Variants in PRMT1 observed in about 807,000 individuals in gnomAD.
PRMT1 encodes the protein protein arginine N-methyltransferase 1.
In PRMT1, 5 loss-of-function variants were observed where a neutral mutation model predicts 47.4. That is an observed-to-expected ratio of 0.11 (90% confidence interval 0.06 to 0.22). The LOEUF is 0.22. Among genes scored for constraint, PRMT1 ranks in the 10% least tolerant of loss-of-function variants. The pLI is 1.00. For missense variants in PRMT1, 249 were observed against 518.4 expected (o/e 0.48, Z 5.05); for synonymous variants, 227 against 204.6 (o/e 1.11, Z -0.94).
In PRMT1 at chr19:49,684,901, C is replaced by T; in HGVS notation, c.644-21C>T. 1 of 1,604,636 alleles carries T rather than the reference C, an allele frequency of 6.2e-7. No individual in the cohort carries two copies. The highest frequency in any genetic ancestry group is 8.5e-7 in the Non-Finnish European group (1 of 1,173,730). On this transcript the variant is annotated intron_variant, in intron 7 of 10. Coordinates refer to ENST00000454376, the MANE Select transcript of PRMT1 (RefSeq NM_001536.6). This position sits in a 1 kb window ranked among gnomAD's most constrained non-coding sequence, Gnocchi z 6.2. ...CGGGTGGGCTGCTGCGGGCTCACCC[C>T]CTCCCTGCCTGCCTCCCCAGGGTGG... is the stretch of plus-strand genomic sequence containing the variant.
In PRMT1 at chr19:49,680,460, C is replaced by G. The variant is rs2082100590; in HGVS notation, c.91-27C>G. The G allele has an allele frequency of 6.4e-7, 1 of 1,573,658 alleles. No homozygotes were observed. The highest frequency in any genetic ancestry group is 1.4e-5 in the African/African-American group (1 of 73,994). ...GGCTGTGGGGAGCCCCCAGATCTGA[C>G]CCATGATCCCATCGGCCCCCTCCCA... On this transcript the variant is annotated intron_variant, in intron 2 of 10. Transcript: ENST00000454376. This position sits in a 1 kb window ranked among gnomAD's most constrained non-coding sequence, Gnocchi z 4.2.
intron 1 of PRMT1, chr19:49,677,522 G>A (rs1555767718): frequency 2.4e-6 from 1 of 421,606 alleles, no homozygotes; most frequent in East Asian, 3.6e-5. Context: ...CGGCCTAGCG[G>A]AGGGTCTTAT....
Position 49,680,250 on chromosome 19 carries a change from T to G in PRMT1, c.91-237T>G, listed in dbSNP as rs1435567354. The G allele has an allele frequency of 1.3e-6, 2 of 1,576,254 alleles. No homozygotes were observed. The highest frequency in any genetic ancestry group is 1.7e-6 in the Non-Finnish European group (2 of 1,150,330). ...AGACTGGAGAGATGGTAGGCGTGGC[T>G]GAGGTATCGGGGTGCTCCCCTGGAT... On this transcript the variant is annotated intron_variant, in intron 2 of 10. Transcript: ENST00000454376. This position sits in a 1 kb window ranked among gnomAD's most constrained non-coding sequence, Gnocchi z 4.2.
rs767848100 is a variant in PRMT1 at position 49,683,989 on chromosome 19, A to G, written c.475A>G (p.Ile159Val). ...GCTCCCAGTGGAGAAGGTGGACATC[A>G]TCATCAGCGAGTGGATGGGCTACTG... is the stretch of plus-strand genomic sequence containing the variant. ...VELPVEKVDIIISEWMGYCLF... is the reference protein window; with the variant it reads ...VELPVEKVDIVISEWMGYCLF... Residue 159 changes from isoleucine to valine, a missense_variant, in exon 6 of 11, where the codon ATC (isoleucine) becomes GTC (valine). This residue lies in a region of PRMT1 where 190 missense variants were observed against 456.7 expected (regional missense o/e 0.42). Coordinates refer to ENST00000454376, the MANE Select transcript of PRMT1 (RefSeq NM_001536.6). 4 of 1,614,008 alleles carry G rather than the reference A, an allele frequency of 2.5e-6. No homozygotes were observed. The African/African-American group carries it at 4.0e-5, about 16-fold the overall frequency.
upstream of PRMT1, chr19:49,677,144 C>A: frequency 1.3e-6 from 1 of 754,216 alleles, no homozygotes; most frequent in Non-Finnish European, 1.9e-6. Flanking sequence ...CTCAGACGGG[C>A]CGCCTCCATT....
rs949622848 is a variant in PRMT1 at position 49,688,302 on chromosome 19, G to A, written c.*57G>A. Reference sequence around the variant, plus strand: ...GGGCTGAGCGTTCCTAGGCGGTTTCGGGGCTCCCCCTTCCTCTCCCTCCCT... The same window carrying A: ...GGGCTGAGCGTTCCTAGGCGGTTTCAGGGCTCCCCCTTCCTCTCCCTCCCT... On this transcript the variant is annotated 3_prime_UTR_variant, in exon 11 of 11. Coordinates refer to ENST00000454376, the MANE Select transcript of PRMT1 (RefSeq NM_001536.6). The surrounding 1 kb of genome is among the most constrained non-coding windows in gnomAD (Gnocchi z 5.3). 3.8e-6 allele frequency: 6 copies of A among 1,560,444 alleles called. No homozygotes were observed. The highest frequency in any genetic ancestry group is 2.2e-5 in the East Asian group (1 of 44,580).
At position 49,685,354 on chromosome 19, in the gene PRMT1, C is replaced by T; in HGVS notation, c.759+317C>T. 1 of 1,288,546 alleles carries T rather than the reference C, an allele frequency of 7.8e-7. No individual in the cohort carries two copies. Among genetic ancestry groups the T allele is most frequent in the Non-Finnish European group, 9.9e-7 (1 of 1,006,228 alleles). The allele number at this position is 1,288,546 out of a possible 1,614,324, so 79.8% of individuals were successfully genotyped here. A position where few individuals can be genotyped will look rare whatever the true frequency, so the allele number is the denominator to read the frequency against. ...ATGAGCGGATGCACATGCACGCGGG[C>T]CACTGCAGAAGAGCACGGGGCCAGG... On this transcript the variant is annotated intron_variant, in intron 8 of 10. Coordinates refer to ENST00000454376, the MANE Select transcript of PRMT1 (RefSeq NM_001536.6). This position sits in a 1 kb window ranked among gnomAD's most constrained non-coding sequence, Gnocchi z 4.7.
Position 49,684,114 on chromosome 19 carries a change from CA to C in PRMT1, c.555+46del. ...GGTGCAGCTCGCGTGGGCTGGGGTC[CA>C]GGTAGAAGACGAAAACCACGCTCAA... On this transcript the variant is annotated intron_variant, in intron 6 of 10. Transcript: ENST00000454376. The surrounding 1 kb of genome is among the most constrained non-coding windows in gnomAD (Gnocchi z 6.2). The C allele has an allele frequency of 1.9e-6, 3 of 1,608,406 alleles. No homozygotes were observed. The highest frequency in any genetic ancestry group is 2.6e-6 in the Non-Finnish European group (3 of 1,176,142).
In PRMT1 at chr19:49,680,063, G is replaced by A. The variant is rs2082092944; in HGVS notation, c.90+138G>A. On this transcript the variant is annotated intron_variant, in intron 2 of 10. Coordinates refer to ENST00000454376, the MANE Select transcript of PRMT1 (RefSeq NM_001536.6). The surrounding 1 kb of genome is among the most constrained non-coding windows in gnomAD (Gnocchi z 4.2). Reference sequence around the variant, plus strand: ...TTTACCCCAGGCCCCCAGACACTTAGTAGCAACCCCTCCAGGTTCACAGCC... The same window carrying A: ...TTTACCCCAGGCCCCCAGACACTTAATAGCAACCCCTCCAGGTTCACAGCC... The A allele has an allele frequency of 8.9e-7, 1 of 1,124,840 alleles. No individual in the cohort carries two copies. 69.7% of individuals were successfully genotyped at this position (1,124,840 alleles called of 1,614,324 possible). A position where few individuals can be genotyped will look rare whatever the true frequency, so the allele number is the denominator to read the frequency against.
Position 49,680,332 on chromosome 19 carries a change from T to TG in PRMT1, c.91-148dup, listed in dbSNP as rs530502506. 3.7e-4 allele frequency: 364 copies of TG among 993,900 alleles called. 2 individuals carry two copies. Among genetic ancestry groups the TG allele is most frequent in the African/African-American group, 2.3e-3 (137 of 59,824 alleles). The allele number at this position is 993,900 out of a possible 1,614,324, so 61.6% of individuals were successfully genotyped here. A position where few individuals can be genotyped will look rare whatever the true frequency, so the allele number is the denominator to read the frequency against. On this transcript the variant is annotated intron_variant, in intron 2 of 10. Coordinates refer to ENST00000454376, the MANE Select transcript of PRMT1 (RefSeq NM_001536.6). This position sits in a 1 kb window ranked among gnomAD's most constrained non-coding sequence, Gnocchi z 4.2. ...TGGGGTTGTTAGGTTTTGGGGTTCCTGGGGGGGCAAGATGGCAGGCGGGGG... is the reference window on the plus strand; with the variant it reads ...TGGGGTTGTTAGGTTTTGGGGTTCCTGGGGGGGGCAAGATGGCAGGCGGGGG...
intron 10 of PRMT1, among the ~76,000 whole-genome samples, chr19:49,687,569 G>A (rs1255688019): frequency 3.4e-5 from 5 of 145,064 alleles, no homozygotes; most frequent in South Asian, 2.2e-4. Flanking sequence ...TTGTCACTCC[G>A]GAGAAGGGGT....
At chr19:49,682,439 G>A (rs975411174) in intron 5 of PRMT1, among the ~76,000 whole-genome samples, 180 bp downstream of exon 5, 2 of 152,146 alleles carry the variant, frequency 1.3e-5, no homozygotes, top group African/African-American at 2.4e-5. Flanking sequence ...GCTTAGCACC[G>A]CAGTCTTAAA....
upstream of PRMT1, chr19:49,676,494 G>C (rs934327736): frequency 3.3e-5 from 5 of 152,172 alleles, no homozygotes; most frequent in Non-Finnish European, 5.9e-5. Flanking sequence ...GCTTGAGAGG[G>C]GTTGATGGTT....
Position 49,684,486 on chromosome 19 carries a change from G to C in PRMT1, c.556-268G>C, listed in dbSNP as rs534133722. Among the ~76,000 whole-genome samples the C allele has an allele frequency of 2.6e-5, 4 of 152,164 alleles. No individual in the cohort carries two copies. Among genetic ancestry groups the C allele is most frequent in the African/African-American group, 9.6e-5 (4 of 41,452 alleles). On this transcript the variant is annotated intron_variant, in intron 6 of 10. Transcript: ENST00000454376. The surrounding 1 kb of genome is among the most constrained non-coding windows in gnomAD (Gnocchi z 6.2). ...GGGTGACAGGGCGTGTGCAGATTTT[G>C]TGGAGGCTTATGGGACCCCGTGCTT...
At chr19:49,677,427 G>GTGTGCGGCGGGGGA in intron 1 of PRMT1, 111 bp downstream of exon 1, 5 of 940,672 alleles carry the variant, frequency 5.3e-6, no homozygotes, top group Non-Finnish European at 7.2e-6. Context: ...GAGGTCCCCC[G>GTGTGCGGCGGGGGA]CCGCACACGG....
Position 49,685,367 on chromosome 19 carries a change from G to T in PRMT1, c.759+330G>T. ...CATGCACGCGGGCCACTGCAGAAGA[G>T]CACGGGGCCAGGCTGGGCTCCGAGA... On this transcript the variant is annotated intron_variant, in intron 8 of 10. Coordinates refer to ENST00000454376, the MANE Select transcript of PRMT1 (RefSeq NM_001536.6). This position sits in a 1 kb window ranked among gnomAD's most constrained non-coding sequence, Gnocchi z 4.7. 2 of 1,261,304 alleles carry T rather than the reference G, an allele frequency of 1.6e-6. No individual in the cohort carries two copies. The highest frequency in any genetic ancestry group is 2.0e-6 in the Non-Finnish European group (2 of 990,352). 78.1% of individuals were successfully genotyped at this position (1,261,304 alleles called of 1,614,324 possible).
chr19:49,686,407 T>C (rs2082204992), intron 9 of PRMT1, among the ~76,000 whole-genome samples, 164 bp downstream of exon 9: 1 of 152,132 alleles, frequency 6.6e-6, no homozygotes, highest in African/African-American at 2.4e-5. Flanking sequence ...GCAAGTGACC[T>C]GAGTGTGCAG....
Position 49,683,912 on chromosome 19 carries a change from C to G in PRMT1, c.413-15C>G, listed in dbSNP as rs770388335. The G allele has an allele frequency of 2.0e-5, 32 of 1,610,124 alleles. No individual in the cohort carries two copies. Among genetic ancestry groups the G allele is most frequent in the Non-Finnish European group, 2.6e-5 (31 of 1,178,202 alleles). On this transcript the variant is annotated splice_polypyrimidine_tract_variant and intron_variant, in intron 5 of 10. Coordinates refer to ENST00000454376, the MANE Select transcript of PRMT1 (RefSeq NM_001536.6). ...CCTCCCGGGGGCTGACGTGGCCACCCTTGTCCGCCCGCAGTGGTGACCATC... is the reference window on the plus strand; with the variant it reads ...CCTCCCGGGGGCTGACGTGGCCACCGTTGTCCGCCCGCAGTGGTGACCATC...
upstream of PRMT1, chr19:49,677,144 C>G: frequency 1.3e-6 from 1 of 754,222 alleles, no homozygotes; most frequent in Non-Finnish European, 1.9e-6. Context: ...CTCAGACGGG[C>G]CGCCTCCATT....
Sources: allele counts gnomAD v4.1 joint callset (sites outside exome capture counted in the v4.1 genomes callset), GRCh38; gene constraint gnomAD v4.1.1; regional missense constraint gnomAD v4.1.1; non-coding constraint Gnocchi (gnomAD v3.1); transcripts MANE v1.5; gene names NCBI Gene and HGNC (gene_info 2026-07-23, HGNC 2026-07-21).